Variants in ANO10 observed in about 807,000 individuals in gnomAD.
ANO10 encodes the protein anoctamin 10.
In ANO10, 77 loss-of-function variants were observed where a neutral mutation model predicts 74.7. The observed-to-expected ratio is 1.03, with a 90% CI of 0.86 to 1.25. The LOEUF (loss-of-function observed/expected upper bound fraction) is 1.25, where lower values mean the gene tolerates loss of function less well. Ranked by LOEUF, ANO10 falls within the 50% of genes most tolerant of loss-of-function variation. The pLI, the probability that ANO10 is intolerant of heterozygous loss-of-function variation, is 0.00. For synonymous variants in ANO10, 279 were observed against 284.9 expected (o/e 0.98, Z 0.21); for missense variants, 721 against 778.1 (o/e 0.93, Z 0.87).
chr3:43,655,227 T>C (rs1259287872), intron 1 of ANO10, among the ~76,000 whole-genome samples: 1 of 152,184 alleles, frequency 6.6e-6, no homozygotes. Flanking sequence ...CTCACTGACT[T>C]CAAGAATGAA....
chr3:43,678,277 C>A (rs2084148702), intron 1 of ANO10, among the ~76,000 whole-genome samples: 1 of 152,164 alleles, frequency 6.6e-6, no homozygotes, highest in African/African-American at 2.4e-5. Flanking sequence ...ACGGTTTCTA[C>A]TGAATGTGTA....
rs2091423563 is a variant in ANO10, at chr3:43,366,765, C to T, written c.*141G>A. The T allele has an allele frequency of 1.5e-5, 13 of 847,728 alleles. No individual in the cohort carries two copies. The highest frequency in any genetic ancestry group is 2.5e-5 in the Non-Finnish European group (13 of 517,232). The allele number at this position is 847,728 out of a possible 1,614,324, so 52.5% of individuals were successfully genotyped here. ...GCGAAACTGAGAAGGGTGCTTGCCA[C>T]ATGGGAGCCACTTCGTTTGGCTAAG... On this transcript the variant is annotated 3_prime_UTR_variant, in exon 13 of 13. Transcript: ENST00000292246.
At chr3:43,566,074 G>T (rs894725606) in intron 7 of ANO10, among the ~76,000 whole-genome samples, 1 of 152,162 alleles carries the variant, frequency 6.6e-6, no homozygotes, top group African/African-American at 2.4e-5. Flanking sequence ...AAGGGGTGAC[G>T]GACGGCACCT....
chr3:43,433,136 G>A (rs1259676035), intron 11 of ANO10, among the ~76,000 whole-genome samples: 1 of 151,306 alleles, frequency 6.6e-6, no homozygotes, highest in Non-Finnish European at 1.5e-5. Context: ...AGTAGAGACG[G>A]GGGTTTCACC....
chr3:43,691,554 C>G (rs1340354857), exon 1 of ANO10: 2 of 152,392 alleles, frequency 1.3e-5, no homozygotes, highest in African/African-American at 4.8e-5. Flanking sequence ...GACGATCCTT[C>G]CCGTAGCCGT....
chr3:43,546,570 C>T (rs971254054), intron 11 of ANO10, among the ~76,000 whole-genome samples: 1 of 151,642 alleles, frequency 6.6e-6, no homozygotes, highest in African/African-American at 2.4e-5. Flanking sequence ...ACTGGACATC[C>T]ACATGCAAAA....
At chr3:43,657,388 G>A (rs1031167843) in intron 1 of ANO10, among the ~76,000 whole-genome samples, 1 of 152,204 alleles carries the variant, frequency 6.6e-6, no homozygotes, top group Middle Eastern at 3.2e-3. Context: ...TGTTGTAGGA[G>A]TACGCAGTGA....
At chr3:43,659,897 A>G (rs2083904825) in intron 1 of ANO10, among the ~76,000 whole-genome samples, 1 of 152,176 alleles carries the variant, frequency 6.6e-6, no homozygotes. Context: ...ATCAGGCAGC[A>G]ATATTTGCTG....
At chr3:43,367,054 G>A in intron 12 of ANO10, 80 bp from the exon 13 acceptor site, 12 of 1,392,806 alleles carry the variant, frequency 8.6e-6, no homozygotes, top group Non-Finnish European at 1.2e-5. Flanking sequence ...GTGGAAGCCT[G>A]GCCAGCGGCT....
intron 1 of ANO10, among the ~76,000 whole-genome samples, chr3:43,664,887 G>A (rs1247577324): frequency 6.6e-6 from 1 of 152,012 alleles, no homozygotes; most frequent in Non-Finnish European, 1.5e-5. Flanking sequence ...AACAGATGCT[G>A]GAGAGGTTGT....
At chr3:43,521,455 G>A (rs2077953061) in intron 11 of ANO10, among the ~76,000 whole-genome samples, 1 of 152,148 alleles carries the variant, frequency 6.6e-6, no homozygotes, top group Non-Finnish European at 1.5e-5. Flanking sequence ...TAGGAAAAAT[G>A]ATAATCACAG....
intron 11 of ANO10, among the ~76,000 whole-genome samples, chr3:43,442,637 T>C (rs1486277908): frequency 2.6e-5 from 4 of 152,182 alleles, no homozygotes; most frequent in Non-Finnish European, 5.9e-5. Context: ...ATCTATAGAT[T>C]CAATGCAGTT....
At chr3:43,605,639 G>C in intron 2 of ANO10, 75 bp downstream of exon 2, 1 of 1,524,946 alleles carries the variant, frequency 6.6e-7, no homozygotes, top group Non-Finnish European at 9.1e-7. Context: ...TTTAGTGACT[G>C]AGCATACAGT....
intron 11 of ANO10, among the ~76,000 whole-genome samples, chr3:43,445,036 T>G (rs2093222946): frequency 7.0e-6 from 1 of 142,352 alleles, no homozygotes; most frequent in African/African-American, 2.6e-5. Flanking sequence ...GGCAGGAAAA[T>G]GGCATGAACC....
chr3:43,512,722 CTTA>C (rs2077557114), intron 11 of ANO10, among the ~76,000 whole-genome samples: 1 of 152,104 alleles, frequency 6.6e-6, no homozygotes, highest in Non-Finnish European at 1.5e-5. Flanking sequence ...TTCTTACATC[CTTA>C]TTAGAAATAT....
intron 11 of ANO10, among the ~76,000 whole-genome samples, chr3:43,479,649 T>C (rs1263055102): frequency 1.3e-5 from 2 of 152,160 alleles, no homozygotes; most frequent in African/African-American, 4.8e-5. Context: ...AAAGTCAAAG[T>C]GTAATACTGG....
At chr3:43,521,857 T>C (rs988683432) in intron 11 of ANO10, among the ~76,000 whole-genome samples, 1 of 152,210 alleles carries the variant, frequency 6.6e-6, no homozygotes, top group African/African-American at 2.4e-5. Context: ...ACTGCAGTAT[T>C]ATTTACATTT....
At chr3:43,626,940 G>A (rs1243327639), upstream of ANO10, among the ~76,000 whole-genome samples, 1 of 81,462 alleles carries the variant, frequency 1.2e-5, no homozygotes, top group Non-Finnish European at 2.2e-5. Flanking sequence ...AGCAGTTCCT[G>A]TATTTCTCAT....
At chr3:43,663,459 C>G (rs2083950794) in intron 1 of ANO10, among the ~76,000 whole-genome samples, 1 of 152,172 alleles carries the variant, frequency 6.6e-6, no homozygotes. Flanking sequence ...AAACTGGAAG[C>G]ATTCCCTTTG....
Sources: allele counts gnomAD v4.1 joint callset (sites outside exome capture counted in the v4.1 genomes callset), GRCh38; gene constraint gnomAD v4.1.1; transcripts MANE v1.5; gene names NCBI Gene and HGNC (gene_info 2026-07-23, HGNC 2026-07-21).